The following PKP2 variants were observed in gnomAD, a reference collection of about 807,000 sequenced individuals.
The protein encoded by PKP2 is plakophilin 2.
Under a neutral mutation model 83.4 loss-of-function variants are expected in PKP2, and 73 were observed. That is an observed-to-expected ratio of 0.88 (90% CI 0.72 to 1.06). The LOEUF (loss-of-function observed/expected upper bound fraction) is 1.06. PKP2 is among the 50% of genes least tolerant of loss of function. The pLI is 0.00. For synonymous variants in PKP2, 409 were observed against 430.4 expected (o/e 0.95, Z 0.62); for missense variants, 966 against 1,065.4 (o/e 0.91, Z 1.30).
chr12:32,818,943 A>G (rs1162816020), intron 9 of PKP2, among the ~76,000 whole-genome samples: 1 of 152,208 alleles, frequency 6.6e-6, no homozygotes, highest in South Asian at 2.1e-4. Flanking sequence ...TATTAAAAAA[A>G]CACATATGTC....
At chr12:32,841,292 G>C in intron 5 of PKP2, 87 bp from the exon 6 acceptor site, 1 of 1,097,382 alleles carries the variant, frequency 9.1e-7, no homozygotes, top group East Asian at 2.4e-5. Context: ...ATCAACTCCA[G>C]GGCTATGACT....
chr12:32,874,425 CT>C (rs1000904747), intron 3 of PKP2, among the ~76,000 whole-genome samples: 3 of 152,098 alleles, frequency 2.0e-5, no homozygotes, highest in African/African-American at 2.4e-5. Flanking sequence ...GCTCCCTCTC[CT>C]TTTCACAGAG....
chr12:32,876,165 A>G (rs1322155247), intron 3 of PKP2, among the ~76,000 whole-genome samples: 1 of 152,172 alleles, frequency 6.6e-6, no homozygotes, highest in African/African-American at 2.4e-5. Context: ...CAGGTTGAGT[A>G]ATATAAGCAG....
At chr12:32,808,351 C>T (rs913661060) in intron 9 of PKP2, among the ~76,000 whole-genome samples, 3 of 152,170 alleles carry the variant, frequency 2.0e-5, no homozygotes, top group Admixed American at 2.0e-4. Flanking sequence ...GTGAAGTTCT[C>T]ATGTTATATT....
chr12:32,827,639 G>A (rs1956455065), intron 6 of PKP2, among the ~76,000 whole-genome samples: 1 of 151,974 alleles, frequency 6.6e-6, no homozygotes, highest in African/African-American at 2.4e-5. Context: ...TTTATTGATT[G>A]GTTTCCCATA....
At chr12:32,796,082 G>A (rs1956118398) in intron 11 of PKP2, 27 bp downstream of exon 11, 1 of 1,586,234 alleles carries the variant, frequency 6.3e-7, no homozygotes, top group African/African-American at 1.4e-5. Flanking sequence ...AAGGGAGGCA[G>A]CTGACGGGCA....
At chr12:32,804,340 AT>A (rs762704239) in intron 9 of PKP2, among the ~76,000 whole-genome samples, 15 of 151,954 alleles carry the variant, frequency 9.9e-5, no homozygotes, top group Non-Finnish European at 1.3e-4. Flanking sequence ...CATGTGTAGG[AT>A]GTGTAGGTTT....
intron 8 of PKP2, 102 bp from the exon 9 acceptor site, chr12:32,821,631 T>A: frequency 8.8e-7 from 1 of 1,139,372 alleles, no homozygotes; most frequent in Non-Finnish European, 1.3e-6. Context: ...GAAAGGCTCA[T>A]AATTTGCATA....
At chr12:32,875,296 T>G (rs1424346547) in intron 3 of PKP2, among the ~76,000 whole-genome samples, 1 of 152,052 alleles carries the variant, frequency 6.6e-6, no homozygotes, top group Non-Finnish European at 1.5e-5. Flanking sequence ...GAATTATAAG[T>G]AGTCAGACAA....
intron 1 of PKP2, chr12:32,894,592 A>G (rs1213475407): frequency 6.6e-6 from 1 of 152,240 alleles, no homozygotes; most frequent in Non-Finnish European, 1.5e-5. Flanking sequence ...GAATAGGCAC[A>G]TAGTAGATGC....
At chr12:32,890,675 C>T (rs1327351348) in intron 1 of PKP2, among the ~76,000 whole-genome samples, 3 of 151,996 alleles carry the variant, frequency 2.0e-5, no homozygotes, top group Admixed American at 6.6e-5. Context: ...AAAAGATACA[C>T]AGGCCGGGTG....
chr12:32,842,470 G>A (rs919053765), intron 5 of PKP2, among the ~76,000 whole-genome samples: 1 of 151,924 alleles, frequency 6.6e-6, no homozygotes, highest in African/African-American at 2.4e-5. Context: ...TCAAACTCCT[G>A]ACCTCAAATG....
intron 6 of PKP2, among the ~76,000 whole-genome samples, chr12:32,839,589 T>C (rs1353949820): frequency 6.6e-6 from 1 of 152,044 alleles, no homozygotes; most frequent in Non-Finnish European, 1.5e-5. Flanking sequence ...TATACTTCCT[T>C]CACTTCCTCA....
chr12:32,864,311 C>CACAT (rs749231877), intron 4 of PKP2, among the ~76,000 whole-genome samples: 4 of 16,058 alleles, frequency 2.5e-4, no homozygotes, highest in Non-Finnish European at 3.7e-4. Context: ...TATACACATA[C>CACAT]ACACACACAC....
chr12:32,824,519 G>T (rs982980120), intron 6 of PKP2: 1 of 262,722 alleles, frequency 3.8e-6, no homozygotes, highest in African/African-American at 2.2e-5. Flanking sequence ...TAATATACTG[G>T]ATGCCAAGTC....
In PKP2 at chr12:32,869,100, C is replaced by A. The variant is rs756891447; in HGVS notation, c.1035-38G>T. On this transcript the variant is annotated intron_variant, in intron 3 of 12. Coordinates refer to ENST00000340811, the MANE Select transcript of PKP2 (RefSeq NM_001005242.3). ...GCACAGATTCAGCCAGATTCCAAAC[C>A]TCCCTCCTCCTGCCTACCAACCTGG... 1.3e-5 allele frequency: 21 copies of A among 1,611,886 alleles called. No individual in the cohort carries two copies. In the East Asian group the frequency reaches 4.7e-4, roughly 36 times the overall value.
At position 32,841,779 on chromosome 12, in the gene PKP2, T is replaced by A. The variant is rs1025928412; in HGVS notation, c.1379-574A>T. On this transcript the variant is annotated intron_variant, in intron 5 of 12. Coordinates refer to ENST00000340811, the MANE Select transcript of PKP2 (RefSeq NM_001005242.3). ...ACAGGAAGCTGATCAACATCACCAATTAATGTTATTGACTGTTACCCAATG... is the reference window on the plus strand; with the variant it reads ...ACAGGAAGCTGATCAACATCACCAAATAATGTTATTGACTGTTACCCAATG... Among the ~76,000 whole-genome samples the A allele has an allele frequency of 3.3e-5, 5 of 152,314 alleles. No individual in the cohort carries two copies. The East Asian group carries it at 7.7e-4, about 24-fold the overall frequency.
intron 4 of PKP2, among the ~76,000 whole-genome samples, chr12:32,860,951 T>G (rs2137894974): frequency 6.6e-6 from 1 of 152,004 alleles, no homozygotes; most frequent in Admixed American, 6.6e-5. Flanking sequence ...TCACTTGAAC[T>G]CGGGAGGTGG....
intron 4 of PKP2, among the ~76,000 whole-genome samples, chr12:32,862,656 G>GAAAAT (rs1341514007): frequency 1.3e-5 from 2 of 149,650 alleles, no homozygotes; most frequent in Non-Finnish European, 3.0e-5. Context: ...AAAAAGAAAA[G>GAAAAT]AAAAGAAAAG....
Sources: gnomAD v4.1 joint callset for allele counts (sites outside exome capture counted in the v4.1 genomes callset) on GRCh38, gnomAD v4.1.1 for gene constraint, MANE v1.5 for transcripts, NCBI Gene and HGNC (gene_info 2026-07-23, HGNC 2026-07-21) for gene names.